The following LRRC37A2 variants were observed in gnomAD, a reference collection of about 807,000 sequenced individuals.
LRRC37A2 encodes leucine rich repeat containing 37 member A2.
LRRC37A2 carries 9 observed loss-of-function variants against 68.8 expected under a neutral mutation model. The observed-to-expected ratio is 0.13, with a 90% CI of 0.08 to 0.23. The LOEUF (loss-of-function observed/expected upper bound fraction) is 0.23, where lower values mean the gene tolerates loss of function less well. Ranked by LOEUF, LRRC37A2 falls within the 10% of genes least tolerant of loss-of-function variation. LRRC37A2 has a pLI of 1.00. For missense variants in LRRC37A2, 168 were observed against 950.4 expected, an observed-to-expected ratio of 0.18 and a Z score of 10.82; for synonymous variants, 63 against 367.6, an observed-to-expected ratio of 0.17 and a Z score of 9.48.
chr17:46,894,137 T>C, the LRRC37A2 span, among the ~76,000 whole-genome samples: 29 of 152,186 alleles, frequency 1.9e-4, no homozygotes, highest in Non-Finnish European at 3.8e-4. Flanking sequence ...TACAAAACAC[T>C]GTTGGGTTGC....
chr17:46,879,938 G>A, the LRRC37A2 span, among the ~76,000 whole-genome samples: 1 of 152,244 alleles, frequency 6.6e-6, no homozygotes, highest in Non-Finnish European at 1.5e-5. Flanking sequence ...TGCCCACACT[G>A]CCCAAGAAGC....
At chr17:47,047,525 A>G in the LRRC37A2 span, among the ~76,000 whole-genome samples, 2 of 150,364 alleles carry the variant, frequency 1.3e-5, no homozygotes, top group South Asian at 4.2e-4. Context: ...AGAGAATAAC[A>G]TTAACATCCA....
At chr17:46,661,410 T>TATTATTATTATTA in the LRRC37A2 span, among the ~76,000 whole-genome samples, 19 of 102,176 alleles carry the variant, frequency 1.9e-4, no homozygotes, top group African/African-American at 7.4e-4. Flanking sequence ...TTATTATTAT[T>TATTATTATTATTA]TTTGAGATGG....
chr17:46,729,631 A>T, the LRRC37A2 span, among the ~76,000 whole-genome samples: 2 of 152,172 alleles, frequency 1.3e-5, no homozygotes, highest in East Asian at 1.9e-4. Flanking sequence ...TGCATGCTGT[A>T]ACCTTGAAAA....
chr17:46,753,124 A>G, the LRRC37A2 span, among the ~76,000 whole-genome samples: 2 of 152,168 alleles, frequency 1.3e-5, no homozygotes, highest in African/African-American at 4.8e-5. Flanking sequence ...AGGTAAATGG[A>G]CAGAGTGGCT....
the LRRC37A2 span, among the ~76,000 whole-genome samples, chr17:46,735,688 T>C: frequency 6.6e-6 from 1 of 152,174 alleles, no homozygotes; most frequent in African/African-American, 2.4e-5. Context: ...CTCATGCCTG[T>C]AATCCCAGCA....
At chr17:46,782,311 GAGA>G in the LRRC37A2 span, among the ~76,000 whole-genome samples, 4 of 152,184 alleles carry the variant, frequency 2.6e-5, no homozygotes, top group Non-Finnish European at 5.9e-5. Context: ...GGAAGGTGAG[GAGA>G]AGGAGTCAGA....
chr17:46,525,602 T>TATAATAATA (rs61094611), intron 6 of LRRC37A2, among the ~76,000 whole-genome samples: 266 of 101,998 alleles, frequency 2.6e-3, no homozygotes, highest in Middle Eastern at 0.017. Flanking sequence ...ATAATAATAA[T>TATAATAATA]ATAATAATAA....
chr17:46,921,748 G>C, the LRRC37A2 span, among the ~76,000 whole-genome samples: 1 of 152,148 alleles, frequency 6.6e-6, no homozygotes, highest in Non-Finnish European at 1.5e-5. Flanking sequence ...ATCATCACTG[G>C]CCATCAGAGA....
At chr17:46,906,586 C>T in the LRRC37A2 span, among the ~76,000 whole-genome samples, 1 of 152,218 alleles carries the variant, frequency 6.6e-6, no homozygotes, top group East Asian at 1.9e-4. Flanking sequence ...CCATGCCCAG[C>T]TAATTTAATT....
the LRRC37A2 span, among the ~76,000 whole-genome samples, chr17:46,911,856 C>A: frequency 1.3e-5 from 2 of 152,154 alleles, no homozygotes; most frequent in Non-Finnish European, 2.9e-5. Context: ...GCACTCTAGC[C>A]TGGGTGACAG....
At chr17:46,558,572 T>C (rs112364862), downstream of LRRC37A2, among the ~76,000 whole-genome samples, 1 of 130,330 alleles carries the variant, frequency 7.7e-6, no homozygotes, top group Non-Finnish European at 1.6e-5. Context: ...TTTTTTTTTT[T>C]TCTAAAAACA....
the LRRC37A2 span, chr17:46,929,428 G>T: frequency 1.3e-6 from 1 of 765,534 alleles, no homozygotes; most frequent in South Asian, 1.4e-5. Flanking sequence ...ATTTAAATCA[G>T]TTACATGTTG....
At chr17:46,549,681 T>G in exon 10 of LRRC37A2, 1 of 570,238 alleles carries the variant, frequency 1.8e-6, no homozygotes, top group East Asian at 3.0e-5. Flanking sequence ...AAGTGACCTG[T>G]GCCAAGCTCA....
At chr17:46,488,894 TTATC>T in the LRRC37A2 span, among the ~76,000 whole-genome samples, 1 of 103,944 alleles carries the variant, frequency 9.6e-6, no homozygotes, top group Non-Finnish European at 2.1e-5. Context: ...GTACCACAAT[TTATC>T]TATTTTCCTG....
chr17:46,733,242 T>G, the LRRC37A2 span, among the ~76,000 whole-genome samples: 1 of 152,196 alleles, frequency 6.6e-6, no homozygotes, highest in Non-Finnish European at 1.5e-5. Flanking sequence ...AGCCTTGGTC[T>G]TAATGTCAAG....
the LRRC37A2 span, among the ~76,000 whole-genome samples, chr17:46,736,765 A>T: frequency 1.3e-5 from 2 of 152,232 alleles, no homozygotes; most frequent in Non-Finnish European, 2.9e-5. Flanking sequence ...TATGTATAAT[A>T]TATTTTTAAC....
At chr17:46,983,513 C>T in the LRRC37A2 span, among the ~76,000 whole-genome samples, 15 of 151,870 alleles carry the variant, frequency 9.9e-5, no homozygotes, top group African/African-American at 3.6e-4. Context: ...CAGCTGGTCT[C>T]GAACTCCTGA....
chr17:46,932,219 A>C, the LRRC37A2 span: 4 of 1,613,692 alleles, frequency 2.5e-6, no homozygotes, highest in Admixed American at 6.7e-5. Flanking sequence ...GCCCGTGGTG[A>C]GGGTCGGCCT....
Sources: gnomAD v4.1 joint callset for allele counts (sites outside exome capture counted in the v4.1 genomes callset) on GRCh38, gnomAD v4.1.1 for gene constraint, MANE v1.5 for transcripts, NCBI Gene and HGNC (gene_info 2026-07-23, HGNC 2026-07-21) for gene names.